The following KHDC1 variants were observed in gnomAD, a reference collection of about 807,000 sequenced individuals.
The protein encoded by KHDC1 is KH domain containing 1.
Under a neutral mutation model 24.7 loss-of-function variants are expected in KHDC1, and 21 were observed. The observed-to-expected ratio is 0.85, with a 90% CI of 0.60 to 1.23. The LOEUF is 1.23. Among genes scored for constraint, KHDC1 ranks in the 50% most tolerant of loss-of-function variants. KHDC1 has a pLI of 0.00. For synonymous variants in KHDC1, 98 were observed against 111.7 expected (o/e 0.88, Z 0.77); for missense variants, 274 against 298.5 (o/e 0.92, Z 0.61).
chr6:73,285,079 A>G (rs1259772693), intron 2 of KHDC1, among the ~76,000 whole-genome samples: 1 of 152,054 alleles, frequency 6.6e-6, no homozygotes, highest in Non-Finnish European at 1.5e-5. Context: ...TGCTGACCTC[A>G]GGTGATCTGC....
At chr6:73,252,224 G>A (rs1229688447) in intron 2 of KHDC1, among the ~76,000 whole-genome samples, 1 of 151,746 alleles carries the variant, frequency 6.6e-6, no homozygotes, top group African/African-American at 2.4e-5. Flanking sequence ...CATATTTTTT[G>A]TAGAGATGGG....
intron 1 of KHDC1, among the ~76,000 whole-genome samples, chr6:73,294,057 G>A (rs1194084065): frequency 6.6e-6 from 1 of 150,944 alleles, no homozygotes; most frequent in Admixed American, 6.6e-5. Flanking sequence ...GCCAAGGCAG[G>A]ATTGCTTGAG....
intron 2 of KHDC1, among the ~76,000 whole-genome samples, chr6:73,247,855 C>CA (rs60650206): frequency 0.061 from 5,474 of 89,408 alleles, 180 homozygotes; most frequent in South Asian, 0.099. Context: ...GACTCTGTCT[C>CA]AAAAAAAAAA....
intron 2 of KHDC1, among the ~76,000 whole-genome samples, chr6:73,264,848 GCCAGTGATACCTGGA>G: frequency 6.6e-6 from 1 of 152,324 alleles, no homozygotes; most frequent in South Asian, 2.1e-4. Context: ...GACCTCGAAG[GCCAGTGATACCTGGA>G]CTCTTGAGTG....
chr6:73,251,955 T>C (rs761884783), intron 2 of KHDC1, among the ~76,000 whole-genome samples: 1 of 151,412 alleles, frequency 6.6e-6, no homozygotes, highest in Non-Finnish European at 1.5e-5. Context: ...ACTCCTGGGG[T>C]CAAGCAATTG....
At chr6:73,288,895 C>T (rs993129722) in intron 2 of KHDC1, among the ~76,000 whole-genome samples, 4 of 151,600 alleles carry the variant, frequency 2.6e-5, no homozygotes, top group Non-Finnish European at 4.4e-5. Context: ...ATAACACAGC[C>T]TAGTAGACGG....
chr6:73,257,268 G>A (rs1766895722), intron 2 of KHDC1, among the ~76,000 whole-genome samples: 2 of 152,148 alleles, frequency 1.3e-5, no homozygotes, highest in African/African-American at 4.8e-5. Context: ...AATCCAGCCT[G>A]GGTGACAGGG....
intron 1 of KHDC1, among the ~76,000 whole-genome samples, chr6:73,295,049 G>C (rs1253855108): frequency 6.6e-6 from 1 of 152,138 alleles, no homozygotes; most frequent in African/African-American, 2.4e-5. Context: ...AGCTACTTGG[G>C]AGGCTGAGGT....
chr6:73,271,508 A>T (rs578234151), intron 2 of KHDC1, among the ~76,000 whole-genome samples: 2 of 151,468 alleles, frequency 1.3e-5, no homozygotes, highest in Admixed American at 6.6e-5. Flanking sequence ...TGCCTGGTGT[A>T]AAATATATTT....
At chr6:73,254,376 G>A (rs1482417492) in intron 2 of KHDC1, among the ~76,000 whole-genome samples, 2 of 151,902 alleles carry the variant, frequency 1.3e-5, no homozygotes, top group Non-Finnish European at 2.9e-5. Context: ...CAGGAGAATC[G>A]CTTGAGCCAG....
chr6:73,301,088 C>G (rs1316551385), intron 1 of KHDC1: 1 of 152,030 alleles, frequency 6.6e-6, no homozygotes, highest in Non-Finnish European at 1.5e-5. Context: ...TGGTGGCGGG[C>G]GCCTGTAGTC....
chr6:73,250,965 G>A (rs762479678), intron 2 of KHDC1, among the ~76,000 whole-genome samples: 12 of 151,976 alleles, frequency 7.9e-5, no homozygotes, highest in Admixed American at 2.6e-4. Flanking sequence ...TCAGCCTCCC[G>A]AGTAGCTGGG....
At chr6:73,309,547 C>A in intron 1 of KHDC1, 1 of 1,511,402 alleles carries the variant, frequency 6.6e-7, no homozygotes, top group Non-Finnish European at 8.8e-7. Context: ...CCTAAAGCCA[C>A]TCACCTCGAT....
intron 2 of KHDC1, among the ~76,000 whole-genome samples, chr6:73,252,445 G>A (rs1295642952): frequency 6.6e-6 from 1 of 152,070 alleles, no homozygotes; most frequent in Non-Finnish European, 1.5e-5. Context: ...GCAATTGTCA[G>A]ACAAACATTT....
intron 2 of KHDC1, among the ~76,000 whole-genome samples, chr6:73,265,366 C>CTAAA (rs1767060211): frequency 6.6e-6 from 1 of 151,716 alleles, no homozygotes; most frequent in Non-Finnish European, 1.5e-5. Context: ...CCCATCTCTA[C>CTAAA]AAAAATACAG....
intron 2 of KHDC1, among the ~76,000 whole-genome samples, chr6:73,265,467 T>A (rs1035180688): frequency 8.9e-5 from 13 of 145,288 alleles, no homozygotes; most frequent in Non-Finnish European, 1.6e-4. Flanking sequence ...AGGTGGAAGT[T>A]GCAGTGAGCC....
At chr6:73,298,422 A>ATTTTTTTTTTTTTTTTT (rs1562260419) in intron 1 of KHDC1, among the ~76,000 whole-genome samples, 3 of 115,046 alleles carry the variant, frequency 2.6e-5, no homozygotes, top group African/African-American at 3.6e-5. Flanking sequence ...ATACTTTGCA[A>ATTTTTTTTTTTTTTTTT]ATTTTTTTTT....
chr6:73,282,247 G>A (rs1305555319), intron 2 of KHDC1, among the ~76,000 whole-genome samples: 1 of 150,982 alleles, frequency 6.6e-6, no homozygotes, highest in African/African-American at 2.4e-5. Flanking sequence ...TGCCACTCTA[G>A]TGGAGTTTGT....
rs1245025011 is a variant in KHDC1, at chr6:73,309,814, C to T, written c.-100G>A. ...CCGCCGGCGGGAAGAGACCAGACAC[C>T]GACGGAGAAGCGAAGTTCAGGACGC... On this transcript the variant is annotated 5_prime_UTR_variant, in exon 1 of 5. Transcript: ENST00000370384. 9 of 1,399,010 alleles carry T rather than the reference C, an allele frequency of 6.4e-6. No homozygotes were observed. In the East Asian group the frequency reaches 1.0e-4, roughly 16 times the overall value. The allele number at this position is 1,399,010 out of a possible 1,614,324, so 86.7% of individuals were successfully genotyped here.
Sources: allele counts gnomAD v4.1 joint callset (sites outside exome capture counted in the v4.1 genomes callset), GRCh38; gene constraint gnomAD v4.1.1; transcripts MANE v1.5; gene names NCBI Gene and HGNC (gene_info 2026-07-23, HGNC 2026-07-21).